Variants in ST7 observed in about 807,000 individuals in gnomAD.
The protein encoded by ST7 is suppressor of tumorigenicity 7 protein.
In ST7, 28 loss-of-function variants were observed where a neutral mutation model predicts 78.7. That is an observed-to-expected ratio of 0.36 (90% CI 0.26 to 0.49). ST7 has a LOEUF of 0.49. Among genes scored for constraint, ST7 ranks in the 20% least tolerant of loss-of-function variants. The pLI is 0.99. For synonymous variants in ST7, 247 were observed against 249.6 expected, an observed-to-expected ratio of 0.99 and a Z score of 0.10; for missense variants, 418 against 696.0, an observed-to-expected ratio of 0.60 and a Z score of 4.49.
rs1373349003 is a variant in ST7 at position 117,097,894 on chromosome 7, ATATATATATATATATTTT to A, written c.152-1866_152-1849del. The stretch of plus-strand genomic sequence containing the variant: ...ATGACATATCACTATATATATATAT[ATATATATATATATATTTT>A]TTTTTTTTTTTTTTTTGATGGCCAG... On this transcript the variant is annotated intron_variant, in intron 1 of 15. Coordinates refer to ENST00000323984, the MANE Select transcript of ST7 (RefSeq NM_001369598.1). Among the ~76,000 whole-genome samples the A allele has an allele frequency of 1.7e-3, 37 of 21,820 alleles. 2 individuals are homozygous for A. Among genetic ancestry groups the A allele is most frequent in the Admixed American group, 3.0e-3 (6 of 1,986 alleles). 14.3% of individuals were successfully genotyped at this position (21,820 alleles called of 152,430 possible). A position where few individuals can be genotyped will look rare whatever the true frequency, so the allele number is the denominator to read the frequency against.
intron 8 of ST7, chr7:117,136,946 C>T (rs1407866142): frequency 3.9e-5 from 6 of 152,028 alleles, no homozygotes; most frequent in Non-Finnish European, 7.4e-5. Context: ...CTGAGCCCCT[C>T]GACTCATCAG....
chr7:117,129,472 T>C (rs1804156152), intron 3 of ST7, among the ~76,000 whole-genome samples: 1 of 151,878 alleles, frequency 6.6e-6, no homozygotes, highest in South Asian at 2.1e-4. Flanking sequence ...ATCTATAAGG[T>C]TTTAGAAGTA....
chr7:117,039,107 T>TC (rs1422753549), intron 1 of ST7, among the ~76,000 whole-genome samples: 3 of 152,174 alleles, frequency 2.0e-5, no homozygotes, highest in Non-Finnish European at 4.4e-5. Context: ...TGCATTTTTT[T>TC]CTCTATAAAT....
At chr7:117,177,337 A>G (rs1808416063) in intron 10 of ST7, among the ~76,000 whole-genome samples, 1 of 152,262 alleles carries the variant, frequency 6.6e-6, no homozygotes. Flanking sequence ...TGGTGAATGC[A>G]TACATCTGTA....
At chr7:117,046,972 C>T (rs1398132954) in intron 1 of ST7, among the ~76,000 whole-genome samples, 4 of 152,170 alleles carry the variant, frequency 2.6e-5, no homozygotes, top group Non-Finnish European at 5.9e-5. Context: ...ACTTACCTAA[C>T]AGTGTTGCCA....
intron 1 of ST7, chr7:117,098,866 A>G (rs2116784934): frequency 7.8e-7 from 1 of 1,277,540 alleles, no homozygotes; most frequent in Non-Finnish European, 1.0e-6. Context: ...TAGTATCTAG[A>G]TATAAATAAC....
intron 15 of ST7, among the ~76,000 whole-genome samples, chr7:117,228,049 T>C (rs547940600): frequency 3.3e-5 from 5 of 152,342 alleles, no homozygotes; most frequent in Admixed American, 3.3e-4. Flanking sequence ...CTTCTGGTAA[T>C]AGTGTTGCTT....
chr7:117,161,591 CTTTTTTTTT>C (rs60505994), intron 9 of ST7, among the ~76,000 whole-genome samples: 3 of 113,584 alleles, frequency 2.6e-5, no homozygotes, highest in Non-Finnish European at 5.1e-5. Context: ...TTCTTTCTTT[CTTTTTTTTT>C]TTTTTTTTTT....
At chr7:117,036,803 C>T (rs901151410) in intron 1 of ST7, among the ~76,000 whole-genome samples, 3 of 152,126 alleles carry the variant, frequency 2.0e-5, no homozygotes, top group Admixed American at 6.6e-5. Context: ...TAATAAAATG[C>T]TCTGCATTTT....
At chr7:117,121,531 A>G (rs1023966691) in intron 3 of ST7, among the ~76,000 whole-genome samples, 4 of 152,292 alleles carry the variant, frequency 2.6e-5, no homozygotes, top group Non-Finnish European at 5.9e-5. Context: ...TGAAATGTGG[A>G]TGGGTTATTC....
chr7:116,970,488 C>A (rs938850936), intron 1 of ST7, among the ~76,000 whole-genome samples: 6 of 152,156 alleles, frequency 3.9e-5, no homozygotes, highest in African/African-American at 1.4e-4. Flanking sequence ...TCCTGGTTTG[C>A]AGATGGCCTT....
rs1792916197 is a variant in ST7 at position 117,219,328 on chromosome 7, T to A, written c.1498+152T>A. ...TTGATAGCATATGTATTAAAGTGAA[T>A]TATGTGAGTGGGTTTGGCTTCCTTT... On this transcript the variant is annotated intron_variant, in intron 14 of 15. Coordinates refer to ENST00000323984, the MANE Select transcript of ST7 (RefSeq NM_001369598.1). This position sits in a 1 kb window ranked among gnomAD's most constrained non-coding sequence, Gnocchi z 5.1. The A allele has an allele frequency of 1.6e-6, 1 of 641,468 alleles. No individual in the cohort carries two copies. Among genetic ancestry groups the A allele is most frequent in the Non-Finnish European group, 2.7e-6 (1 of 374,876 alleles). The allele number at this position is 641,468 out of a possible 1,614,324, so 39.7% of individuals were successfully genotyped here. A position where few individuals can be genotyped will look rare whatever the true frequency, so the allele number is the denominator to read the frequency against.
chr7:117,152,042 C>A (rs910308813), intron 9 of ST7, among the ~76,000 whole-genome samples: 1 of 150,402 alleles, frequency 6.6e-6, no homozygotes, highest in African/African-American at 2.4e-5. Flanking sequence ...TCGCTTGAAC[C>A]GGGGAGGCAG....
chr7:117,001,113 C>A (rs1017366677), intron 1 of ST7, among the ~76,000 whole-genome samples: 2 of 152,178 alleles, frequency 1.3e-5, no homozygotes, highest in African/African-American at 4.8e-5. Flanking sequence ...AAACCGGCAC[C>A]TTATCTCATG....
chr7:117,228,841 A>G (rs1793605941), intron 15 of ST7, among the ~76,000 whole-genome samples: 1 of 152,178 alleles, frequency 6.6e-6, no homozygotes, highest in South Asian at 2.1e-4. Flanking sequence ...AAAGGGCTCC[A>G]TGGTACAAGA....
chr7:117,062,832 A>C (rs1798429978), intron 1 of ST7, among the ~76,000 whole-genome samples: 1 of 152,196 alleles, frequency 6.6e-6, no homozygotes, highest in Non-Finnish European at 1.5e-5. Flanking sequence ...TGACCAACTC[A>C]GTTTGTCTAT....
chr7:116,992,965 C>T (rs953175074), intron 1 of ST7, among the ~76,000 whole-genome samples: 1 of 152,196 alleles, frequency 6.6e-6, no homozygotes, highest in Non-Finnish European at 1.5e-5. Context: ...CGCCTTTGCT[C>T]CAGTTCCCAA....
intron 15 of ST7, among the ~76,000 whole-genome samples, chr7:117,226,039 GTC>G (rs764407804): frequency 5.3e-5 from 8 of 152,212 alleles, no homozygotes; most frequent in Non-Finnish European, 5.9e-5. Flanking sequence ...TCCTTCTCTT[GTC>G]TCTCTCCTTC....
intron 13 of ST7, among the ~76,000 whole-genome samples, chr7:117,212,583 A>G (rs1294885522): frequency 6.6e-6 from 1 of 152,232 alleles, no homozygotes; most frequent in African/African-American, 2.4e-5. Context: ...TTAAATATCG[A>G]ATGAGACCAA....
Sources: allele counts gnomAD v4.1 joint callset (sites outside exome capture counted in the v4.1 genomes callset), GRCh38; gene constraint gnomAD v4.1.1; non-coding constraint Gnocchi (gnomAD v3.1); transcripts MANE v1.5; gene names NCBI Gene and HGNC (gene_info 2026-07-23, HGNC 2026-07-21).